OTUD7A: variants seen among roughly 807,000 people sequenced by gnomAD.
OTUD7A encodes the protein OTU deubiquitinase 7A.
OTUD7A carries 12 observed loss-of-function variants against 65.7 expected under a neutral mutation model. The ratio of observed to expected loss-of-function variants is 0.18; its 90% CI spans 0.12 to 0.30. OTUD7A has a LOEUF of 0.30. Ranked by LOEUF, OTUD7A falls within the 10% of genes least tolerant of loss-of-function variation. The probability of loss-of-function intolerance (pLI) is 1.00; values close to 1 mark genes in which losing one functional copy is unlikely to be tolerated. For synonymous variants in OTUD7A, 641 were observed against 586.3 expected (o/e 1.09, Z -1.35); for missense variants, 1,148 against 1,304.8 (o/e 0.88, Z 1.85).
At chr15:31,570,347 G>T in intron 3 of OTUD7A, 150 bp from the exon 4 acceptor site, 1 of 893,162 alleles carries the variant, frequency 1.1e-6, no homozygotes, top group Non-Finnish European at 1.7e-6. Context: ...GGGAAAAATG[G>T]CCCTCTGCAT....
intron 1 of OTUD7A, among the ~76,000 whole-genome samples, chr15:31,835,235 T>C (rs891209013): frequency 2.0e-5 from 3 of 152,262 alleles, no homozygotes; most frequent in Non-Finnish European, 4.4e-5. Context: ...AAACAGGATG[T>C]CCAATTCATC....
chr15:31,754,674 C>T (rs1367239841), intron 1 of OTUD7A, among the ~76,000 whole-genome samples: 5 of 151,594 alleles, frequency 3.3e-5, no homozygotes, highest in African/African-American at 9.7e-5. Flanking sequence ...GTAAGTATTT[C>T]GGTTTATTTC....
chr15:31,649,103 A>G (rs1373807193), intron 3 of OTUD7A, among the ~76,000 whole-genome samples: 1 of 152,114 alleles, frequency 6.6e-6, no homozygotes, highest in African/African-American at 2.4e-5. Flanking sequence ...GCACTGGGGG[A>G]TTCAGGGCTT....
At chr15:31,697,951 TCATTC>T (rs1391462262) in intron 1 of OTUD7A, among the ~76,000 whole-genome samples, 1 of 152,142 alleles carries the variant, frequency 6.6e-6, no homozygotes, top group Non-Finnish European at 1.5e-5. Flanking sequence ...ATCTAAAAAG[TCATTC>T]CCTGATAATC....
At chr15:31,746,075 A>C (rs1894467610) in intron 1 of OTUD7A, among the ~76,000 whole-genome samples, 2 of 152,238 alleles carry the variant, frequency 1.3e-5, no homozygotes, top group South Asian at 4.1e-4. Flanking sequence ...ACTTGCTTAC[A>C]TTACTGGAGG....
chr15:31,523,007 G>A (rs900533192), intron 8 of OTUD7A, among the ~76,000 whole-genome samples: 2 of 152,212 alleles, frequency 1.3e-5, no homozygotes, highest in Non-Finnish European at 2.9e-5. Flanking sequence ...GTGGGGAACA[G>A]GTTCTGGGAA....
chr15:31,613,258 C>A (rs1288994383), intron 3 of OTUD7A, among the ~76,000 whole-genome samples: 1 of 152,030 alleles, frequency 6.6e-6, no homozygotes, highest in African/African-American at 2.4e-5. Flanking sequence ...GAGCAAGAAC[C>A]CAAAAGCAAA....
intron 1 of OTUD7A, among the ~76,000 whole-genome samples, chr15:31,665,747 G>A (rs1892300895): frequency 1.3e-5 from 2 of 152,122 alleles, no homozygotes; most frequent in South Asian, 4.1e-4. Context: ...GTTCTCAGAG[G>A]GAAGCTTTCA....
In OTUD7A at chr15:31,500,146, T is replaced by G. The variant is rs542550727; in HGVS notation, c.1171+1544A>C. Among the ~76,000 whole-genome samples the G allele has an allele frequency of 5.9e-5, 9 of 152,246 alleles. No individual in the cohort carries two copies. In the South Asian group the frequency reaches 1.0e-3, roughly 18 times the overall value. ...GGCCCCGCCCCTGGCCGATCCCAGG[T>G]CCTGAAAAGGCCCTTCTGGTCTCCC... On this transcript the variant is annotated intron_variant, in intron 10 of 12. Coordinates refer to ENST00000307050, the MANE Select transcript of OTUD7A (RefSeq NM_001382637.1).
In OTUD7A at chr15:31,477,700, A is replaced by G. The variant is rs1418759036; in HGVS notation, c.*5594T>C. The G allele has an allele frequency of 6.6e-6, 1 of 152,206 alleles. No homozygotes were observed. The highest frequency in any genetic ancestry group is 1.9e-4 in the East Asian group (1 of 5,204). The allele number at this position is 152,206 out of a possible 1,614,324, so 9.4% of individuals were successfully genotyped here. The stretch of plus-strand genomic sequence containing the variant: ...TCAATAAATACTTATCCAGTGCCTA[A>G]TATGTGTCAGGCACTGTTGTAGGCA... On this transcript the variant is annotated 3_prime_UTR_variant, in exon 13 of 13. Coordinates refer to ENST00000307050, the MANE Select transcript of OTUD7A (RefSeq NM_001382637.1).
chr15:31,777,992 A>G (rs1389653650), intron 1 of OTUD7A, among the ~76,000 whole-genome samples: 1 of 152,136 alleles, frequency 6.6e-6, no homozygotes, highest in Non-Finnish European at 1.5e-5. Context: ...AGCGGCTCTT[A>G]GACACGGTTC....
rs759089061 is a variant in OTUD7A at position 31,862,445 on chromosome 15, GAAC to G, written c.-100+8059_-100+8061del. On this transcript the variant is annotated intron_variant, in intron 1 of 12. Coordinates refer to ENST00000307050, the MANE Select transcript of OTUD7A (RefSeq NM_001382637.1). The stretch of plus-strand genomic sequence containing the variant: ...CTGATAAAGACATACCCGAAACTGG[GAAC>G]AAAAGGAGGTTTAATTGGACTTACA... Among the ~76,000 whole-genome samples, 166 of 152,286 alleles carry G rather than the reference GAAC, an allele frequency of 1.1e-3. No individual in the cohort carries two copies. In the Middle Eastern group the frequency reaches 0.014, roughly 12 times the overall value.
chr15:31,828,244 T>C (rs1011597166), intron 1 of OTUD7A, among the ~76,000 whole-genome samples: 1 of 152,230 alleles, frequency 6.6e-6, no homozygotes, highest in Non-Finnish European at 1.5e-5. Context: ...AGCTGGTCAC[T>C]GAATCATTCA....
rs2041421053 is a variant in OTUD7A, at chr15:31,498,631, A to G, written c.1171+3059T>C. Among the ~76,000 whole-genome samples the G allele has an allele frequency of 6.6e-6, 1 of 152,180 alleles. No individual in the cohort carries two copies. Among genetic ancestry groups the G allele is most frequent in the Admixed American group, 6.5e-5 (1 of 15,278 alleles). The stretch of plus-strand genomic sequence containing the variant: ...GAGAGAATGCCCAGATCTGGGTTTC[A>G]CAGAGCTCCCCTGCAGGCCATTTTA... On this transcript the variant is annotated intron_variant, in intron 10 of 12. Transcript: ENST00000307050. The surrounding 1 kb of genome is among the most constrained non-coding windows in gnomAD (Gnocchi z 4.2).
chr15:31,685,543 C>T (rs1398253107), intron 1 of OTUD7A, among the ~76,000 whole-genome samples: 2 of 151,930 alleles, frequency 1.3e-5, no homozygotes, highest in African/African-American at 4.8e-5. Flanking sequence ...CCTGTAGTCC[C>T]AGCTACTAGG....
chr15:31,669,606 C>T (rs1892427029), intron 1 of OTUD7A, among the ~76,000 whole-genome samples: 1 of 152,200 alleles, frequency 6.6e-6, no homozygotes, highest in Admixed American at 6.5e-5. Flanking sequence ...TTGGTTCTAC[C>T]CCCGCCTGTG....
intron 3 of OTUD7A, among the ~76,000 whole-genome samples, chr15:31,587,917 C>T (rs1380193188): frequency 6.6e-6 from 1 of 152,036 alleles, no homozygotes; most frequent in Non-Finnish European, 1.5e-5. Flanking sequence ...TTCTCCCTCA[C>T]TTCATTGTGG....
chr15:31,683,667 T>A (rs1892771908), intron 1 of OTUD7A, among the ~76,000 whole-genome samples: 1 of 152,156 alleles, frequency 6.6e-6, no homozygotes, highest in Non-Finnish European at 1.5e-5. Context: ...AATAAAAAAA[T>A]TAAAAAGATA....
At chr15:31,708,998 T>C (rs1893369492) in intron 1 of OTUD7A, among the ~76,000 whole-genome samples, 1 of 151,364 alleles carries the variant, frequency 6.6e-6, no homozygotes, top group South Asian at 2.1e-4. Flanking sequence ...CTGCTCCTCT[T>C]TGGGATTGTG....
Sources: gnomAD v4.1 joint callset for allele counts (sites outside exome capture counted in the v4.1 genomes callset) on GRCh38, gnomAD v4.1.1 for gene constraint, Gnocchi (gnomAD v3.1) non-coding constraint, MANE v1.5 for transcripts, NCBI Gene and HGNC (gene_info 2026-07-23, HGNC 2026-07-21) for gene names.